Variants in TMPRSS11A observed in about 807,000 individuals in gnomAD.
TMPRSS11A encodes transmembrane serine protease 11A, also known as transmembrane protease serine 11A.
Under a neutral mutation model 58.9 loss-of-function variants are expected in TMPRSS11A, and 53 were observed. The observed-to-expected ratio is 0.90, with a 90% CI of 0.72 to 1.13. The LOEUF is 1.13. Ranked by LOEUF, TMPRSS11A falls within the 50% of genes most tolerant of loss-of-function variation. The pLI is 0.00. For missense variants in TMPRSS11A, 493 were observed against 499.3 expected (o/e 0.99, Z 0.12); for synonymous variants, 167 against 169.8 (o/e 0.98, Z 0.13).
chr4:67,912,026 C>T (rs954646899), intron 9 of TMPRSS11A, among the ~76,000 whole-genome samples: 4 of 152,236 alleles, frequency 2.6e-5, no homozygotes, highest in African/African-American at 9.6e-5. Flanking sequence ...AATTAACAGC[C>T]TACATTTAGT....
intron 3 of TMPRSS11A, among the ~76,000 whole-genome samples, chr4:67,940,273 T>A (rs1366973669): frequency 6.6e-6 from 1 of 152,168 alleles, no homozygotes; most frequent in East Asian, 1.9e-4. Context: ...AGAAGTCTCT[T>A]CTCAATTCTT....
At chr4:67,919,284 G>A (rs1372524318) in intron 7 of TMPRSS11A, 52 bp from the exon 8 acceptor site, 3 of 1,526,528 alleles carry the variant, frequency 2.0e-6, no homozygotes, top group Non-Finnish European at 2.7e-6. Flanking sequence ...CAAAGTATAT[G>A]AGCTAGATTA....
At chr4:67,954,862 T>C (rs765875462) in intron 1 of TMPRSS11A, among the ~76,000 whole-genome samples, 10 of 152,202 alleles carry the variant, frequency 6.6e-5, no homozygotes, top group Admixed American at 1.3e-4. Flanking sequence ...GCAAATAAAA[T>C]TGATACCTAT....
intron 3 of TMPRSS11A, among the ~76,000 whole-genome samples, chr4:67,934,354 C>G (rs1720700742): frequency 6.6e-6 from 1 of 151,962 alleles, no homozygotes; most frequent in African/African-American, 2.4e-5. Flanking sequence ...TTCTAAAGAC[C>G]CTGAAATTGT....
intron 5 of TMPRSS11A, among the ~76,000 whole-genome samples, chr4:67,926,512 G>C (rs1270430063): frequency 1.3e-5 from 2 of 152,194 alleles, no homozygotes; most frequent in African/African-American, 2.4e-5. Flanking sequence ...CAGTGATGGT[G>C]GTGGGTCCCC....
intron 2 of TMPRSS11A, among the ~76,000 whole-genome samples, chr4:67,945,301 C>T (rs1170455843): frequency 1.3e-5 from 2 of 152,018 alleles, no homozygotes; most frequent in African/African-American, 4.8e-5. Context: ...AAGAAAGATA[C>T]AGAGTTAAAG....
At chr4:67,926,517 G>A (rs1222162344) in intron 5 of TMPRSS11A, among the ~76,000 whole-genome samples, 1 of 152,190 alleles carries the variant, frequency 6.6e-6, no homozygotes, top group African/African-American at 2.4e-5. Flanking sequence ...ATGGTGGTGG[G>A]TCCCCTGTGT....
chr4:67,916,900 T>C (rs79481134), intron 8 of TMPRSS11A, among the ~76,000 whole-genome samples: 4,356 of 152,194 alleles, frequency 0.029, 203 homozygotes, highest in African/African-American at 0.1. Flanking sequence ...AATCTAAGTA[T>C]TGTAAGTAGG....
intron 1 of TMPRSS11A, among the ~76,000 whole-genome samples, chr4:67,956,029 A>G (rs1238196207): frequency 6.6e-6 from 1 of 152,164 alleles, no homozygotes; most frequent in East Asian, 1.9e-4. Context: ...TTATGACTCT[A>G]ACATGTATCT....
chr4:67,924,973 C>CT (rs11286541), intron 5 of TMPRSS11A, among the ~76,000 whole-genome samples: 20,174 of 138,234 alleles, frequency 0.15, 2,422 homozygotes, highest in African/African-American at 0.34. Context: ...TCACATAAAT[C>CT]TTTTTTTTTT....
In TMPRSS11A at chr4:67,936,334, G is replaced by GTTTTTT. The variant is rs33950733; in HGVS notation, c.253-4280_253-4275dup. On this transcript the variant is annotated intron_variant, in intron 3 of 9. Coordinates refer to ENST00000508048, the MANE Select transcript of TMPRSS11A (RefSeq NM_001114387.2). ...ATCATATCTGTATAAAACTCTAGGT[G>GTTTTTT]TTTTTTTTTTTTTTGGATCCAAGAA... Among the ~76,000 whole-genome samples the GTTTTTT allele has an allele frequency of 9.4e-3, 1,340 of 142,868 alleles. 24 individuals carry two copies. Among genetic ancestry groups the GTTTTTT allele is most frequent in the African/African-American group, 0.033 (1,260 of 38,626 alleles). 93.7% of individuals were successfully genotyped at this position (142,868 alleles called of 152,430 possible). A position where few individuals can be genotyped will look rare whatever the true frequency, so the allele number is the denominator to read the frequency against.
intron 5 of TMPRSS11A, among the ~76,000 whole-genome samples, chr4:67,928,875 C>A (rs1720540274): frequency 6.6e-6 from 1 of 152,174 alleles, no homozygotes; most frequent in Non-Finnish European, 1.5e-5. Flanking sequence ...GGTCTGGTAT[C>A]CATTGAAATT....
chr4:67,923,404 A>T (rs1720383299), intron 6 of TMPRSS11A, among the ~76,000 whole-genome samples: 1 of 152,240 alleles, frequency 6.6e-6, no homozygotes, highest in African/African-American at 2.4e-5. Context: ...CATTGCTCAA[A>T]TTCATCACTG....
intron 3 of TMPRSS11A, among the ~76,000 whole-genome samples, chr4:67,941,277 C>A (rs1308168582): frequency 6.6e-6 from 1 of 152,154 alleles, no homozygotes; most frequent in African/African-American, 2.4e-5. Flanking sequence ...GATTTAGCAA[C>A]AACAAACAGG....
chr4:67,952,657 A>G (rs1363525188), intron 1 of TMPRSS11A, among the ~76,000 whole-genome samples: 1 of 152,236 alleles, frequency 6.6e-6, no homozygotes, highest in Non-Finnish European at 1.5e-5. Context: ...TGGAAAAATC[A>G]GTGACCATAT....
chr4:67,911,841 A>G (rs2109729767), intron 9 of TMPRSS11A, among the ~76,000 whole-genome samples: 1 of 152,216 alleles, frequency 6.6e-6, no homozygotes, highest in Admixed American at 6.5e-5. Flanking sequence ...TTGTTTAATG[A>G]TTTCTTATAG....
chr4:67,918,118 T>C (rs914393467), intron 8 of TMPRSS11A, among the ~76,000 whole-genome samples: 18 of 152,204 alleles, frequency 1.2e-4, no homozygotes, highest in Admixed American at 1.1e-3. Context: ...ATTTCTTGTA[T>C]GTAAATAAAT....
intron 5 of TMPRSS11A, 47 bp downstream of exon 5, chr4:67,929,833 T>C: frequency 6.9e-7 from 1 of 1,444,864 alleles, no homozygotes; most frequent in East Asian, 2.3e-5. Context: ...CGTCAAAACA[T>C]GGACCTAATA....
At chr4:67,919,257 A>AAG in intron 7 of TMPRSS11A, 25 bp from the exon 8 acceptor site, 1 of 1,608,416 alleles carries the variant, frequency 6.2e-7, no homozygotes, top group Non-Finnish European at 8.5e-7. Flanking sequence ...AAATTAACAG[A>AAG]ATATATATAA....
Sources: gnomAD v4.1 joint callset for allele counts (sites outside exome capture counted in the v4.1 genomes callset) on GRCh38, gnomAD v4.1.1 for gene constraint, MANE v1.5 for transcripts, NCBI Gene and HGNC (gene_info 2026-07-23, HGNC 2026-07-21) for gene names.